The following DDX43 variants were observed in gnomAD, a reference collection of about 807,000 sequenced individuals.
DDX43 encodes probable ATP-dependent RNA helicase DDX43.
In DDX43, 50 loss-of-function variants were observed where a neutral mutation model predicts 84.9. That is an observed-to-expected ratio of 0.59 (90% CI 0.47 to 0.75). The LOEUF is 0.75. DDX43 is among the 30% of genes least tolerant of loss of function. DDX43 has a pLI of 0.00. For synonymous variants in DDX43, 291 were observed against 266.3 expected (o/e 1.09, Z -0.90); for missense variants, 689 against 798.6 (o/e 0.86, Z 1.65).
chr6:73,405,779 C>T lies in DDX43; in HGVS notation c.751C>T (p.Pro251Ser), dbSNP rs1464742852. The change falls in exon 6 of 17, where the codon CCT (proline) becomes TCT (serine). Residue 251 changes from proline to serine, a missense_variant. Pro to Ser is a moderately conservative substitution (Grantham distance 74). Around this residue, in one of 2 missense-constraint regions of DDX43, gnomAD observed 552 missense variants for 692.7 expected, o/e 0.80. Coordinates refer to ENST00000370336, the MANE Select transcript of DDX43 (RefSeq NM_018665.3). ...CTFDDAFQCY[P>S]EVMENIKKAG... ...ATTTGATGACGCCTTTCAATGTTAT[C>T]CTGAGGTTATGGAAAACATTAAAAA... 2.5e-6 allele frequency: 4 copies of T among 1,614,060 alleles called. No individual in the cohort carries two copies. The highest frequency in any genetic ancestry group is 4.5e-5 in the East Asian group (2 of 44,870).
At chr6:73,405,869 T>C (rs1256278876) in intron 6 of DDX43, 34 bp downstream of exon 6, 1 of 1,597,248 alleles carries the variant, frequency 6.3e-7, no homozygotes, top group Non-Finnish European at 8.6e-7. Flanking sequence ...TTTCACTCAA[T>C]GTTTTTCTTC....
intron 15 of DDX43, 119 bp downstream of exon 15, chr6:73,415,703 G>A (rs1490668338): frequency 4.4e-6 from 3 of 679,688 alleles, no homozygotes; most frequent in Non-Finnish European, 7.3e-6. Context: ...ACGTTTTGAG[G>A]GCTTTAGCAT....
chr6:73,411,635 T>G (rs908864639), intron 10 of DDX43, among the ~76,000 whole-genome samples: 4 of 151,186 alleles, frequency 2.6e-5, no homozygotes, highest in African/African-American at 9.7e-5. Context: ...CGGCCTTAGC[T>G]TTTCATAGAT....
intron 9 of DDX43, among the ~76,000 whole-genome samples, chr6:73,408,508 C>T (rs1270731645): frequency 6.6e-6 from 1 of 152,114 alleles, no homozygotes; most frequent in Non-Finnish European, 1.5e-5. Flanking sequence ...TTAATCAACT[C>T]CCAAGTGCTT....
chr6:73,400,722 A>G (rs1386968411), intron 3 of DDX43, among the ~76,000 whole-genome samples: 1 of 152,210 alleles, frequency 6.6e-6, no homozygotes, highest in African/African-American at 2.4e-5. Context: ...TGGTCCCAGG[A>G]TCCTAACCCT....
At chr6:73,400,604 CTTTATT>C (rs1399845851) in intron 3 of DDX43, among the ~76,000 whole-genome samples, 1 of 152,076 alleles carries the variant, frequency 6.6e-6, no homozygotes, top group Non-Finnish European at 1.5e-5. Context: ...TGAAATAACC[CTTTATT>C]TTTATTTATT....
In DDX43 at chr6:73,394,874, C is replaced by T; in HGVS notation, c.-32C>T. The T allele has an allele frequency of 6.2e-7, 1 of 1,608,980 alleles. No homozygotes were observed. Among genetic ancestry groups the T allele is most frequent in the Non-Finnish European group, 8.5e-7 (1 of 1,177,238 alleles). ...GGTCAGGTGGTGCAGAGCTGGACGG[C>T]AACGACGTCGGACGCGCCCCTTCTT... is the stretch of plus-strand genomic sequence containing the variant. On this transcript the variant is annotated 5_prime_UTR_variant, in exon 1 of 17. Transcript: ENST00000370336.
intron 9 of DDX43, among the ~76,000 whole-genome samples, chr6:73,408,688 C>G: frequency 6.6e-6 from 1 of 151,998 alleles, no homozygotes. Flanking sequence ...TTCCAAGTAG[C>G]TGGGACTGCA....
chr6:73,394,968 G>C lies in DDX43; in HGVS notation c.63G>C (p.Ser21=). Residue 21 remains serine, a synonymous_variant, in exon 1 of 17, where the codon TCG becomes TCC. Coordinates refer to ENST00000370336, the MANE Select transcript of DDX43 (RefSeq NM_018665.3). ...GGGTCGTTGCTAGTCGGCGAAGCTC[G>C]ACAGTGTCCCGAGCGCCAGAGAGGA... ...STWVVASRRS[S]TVSRAPERRP... 6.2e-7 allele frequency: 1 copy of C among 1,614,272 alleles called. No individual in the cohort carries two copies. The highest frequency in any genetic ancestry group is 8.5e-7 in the Non-Finnish European group (1 of 1,180,042).
At chr6:73,407,853 A>G in intron 8 of DDX43, 107 bp from the exon 9 acceptor site, 1 of 1,094,944 alleles carries the variant, frequency 9.1e-7, no homozygotes, top group Non-Finnish European at 1.3e-6. Flanking sequence ...AGGGGCAGAT[A>G]CCCCTAAAGG....
rs1769846836 is a variant in DDX43 at position 73,413,680 on chromosome 6, A to G, written c.1391A>G (p.Asn464Ser). The change falls in exon 12 of 17, where the codon AAT (asparagine) becomes AGT (serine). Residue 464 changes from asparagine (N) to serine (S), a missense_variant. Asn to Ser is a conservative substitution (Grantham distance 46). Coordinates refer to ENST00000370336, the MANE Select transcript of DDX43 (RefSeq NM_018665.3). Reference protein sequence around the residue: ...DLVAVSSVKQNIIVTTEEEKW... With the variant: ...DLVAVSSVKQSIIVTTEEEKW... ...TAGGCTGTAAGTTCAGTGAAGCAAA[A>G]TATAATTGTAACCACCGAGGAAGAG... is the stretch of plus-strand genomic sequence containing the variant. 1.2e-6 allele frequency: 2 copies of G among 1,613,696 alleles called. No homozygotes were observed. Among genetic ancestry groups the G allele is most frequent in the African/African-American group, 2.7e-5 (2 of 74,920 alleles).
Position 73,400,256 on chromosome 6 carries a change from CATT to C in DDX43, c.331_333del (p.Leu111del), listed in dbSNP as rs751858556. The C allele has an allele frequency of 2.9e-5, 47 of 1,605,012 alleles. No individual in the cohort carries two copies. The highest frequency in any genetic ancestry group is 3.7e-5 in the Non-Finnish European group (44 of 1,176,886). On this transcript the variant is annotated inframe_deletion, in exon 3 of 17. Transcript: ENST00000370336. ...TAGATAATACAAGAACAACCAGAAT[CATT>C]AGTCAAAATTTTTGGCAGCAAGGCA...
chr6:73,397,736 A>G lies in DDX43; in HGVS notation c.298A>G (p.Thr100Ala), dbSNP rs111999660. The change falls in exon 2 of 17, where the codon ACA becomes GCA. Residue 100 changes from threonine to alanine, a missense_variant. Thr to Ala is a moderately conservative substitution (Grantham distance 58, BLOSUM62 0). Transcript: ENST00000370336. ...GAATATACAAAGTACAACAAACACC[A>G]CAATCCAAGTAAGCCATCTGTGTTT... ...IKNIQSTTNT[T>A]IQIIQEQPES... is the part of the protein sequence containing the mutation. 2.0e-5 allele frequency: 32 copies of G among 1,613,778 alleles called. No individual in the cohort carries two copies. The highest frequency in any genetic ancestry group is 2.7e-5 in the African/African-American group (2 of 74,936).
chr6:73,397,876 C>G, intron 2 of DDX43, 132 bp downstream of exon 2: 1 of 675,828 alleles, frequency 1.5e-6, no homozygotes, highest in East Asian at 2.9e-5. Flanking sequence ...GATATCAGTA[C>G]AACCTCTGCC....
intron 3 of DDX43, among the ~76,000 whole-genome samples, chr6:73,400,893 G>A (rs1488425043): frequency 6.6e-6 from 1 of 152,270 alleles, no homozygotes; most frequent in East Asian, 1.9e-4. Flanking sequence ...AGGCACCATT[G>A]CCTTTTAGTG....
intron 7 of DDX43, chr6:73,406,992 T>C (rs1448377949): frequency 1.3e-5 from 2 of 154,042 alleles, no homozygotes; most frequent in Non-Finnish European, 2.9e-5. Flanking sequence ...TTCTGTGTAA[T>C]ATCAGCCATT....
At chr6:73,413,566 C>T in intron 11 of DDX43, 92 bp from the exon 12 acceptor site, 5 of 1,268,262 alleles carry the variant, frequency 3.9e-6, no homozygotes, top group South Asian at 1.7e-5. Context: ...AAACATTAAC[C>T]AATGAGAGAG....
intron 3 of DDX43, 28 bp downstream of exon 3, chr6:73,400,391 T>A: frequency 6.4e-7 from 1 of 1,561,288 alleles, no homozygotes; most frequent in Non-Finnish European, 8.6e-7. Context: ...ACTGAACCCC[T>A]TTAAAAGTTT....
chr6:73,407,699 C>T, intron 8 of DDX43, 84 bp downstream of exon 8: 1 of 1,043,144 alleles, frequency 9.6e-7, no homozygotes, highest in Middle Eastern at 2.7e-4. Context: ...TCATTTTTCA[C>T]ACATTCAGAG....
Sources: allele counts gnomAD v4.1 joint callset (sites outside exome capture counted in the v4.1 genomes callset), GRCh38; gene constraint gnomAD v4.1.1; regional missense constraint gnomAD v4.1.1; transcripts MANE v1.5; gene names NCBI Gene and HGNC (gene_info 2026-07-23, HGNC 2026-07-21).